LTBP1: variants seen among roughly 807,000 people sequenced by gnomAD.
The protein encoded by LTBP1 is latent transforming growth factor beta binding protein 1.
A neutral mutation model predicts 207.6 loss-of-function variants in LTBP1; 129 were observed. That is an observed-to-expected ratio of 0.62 (90% CI 0.54 to 0.72). The LOEUF is 0.72. Among genes scored for constraint, LTBP1 ranks in the 30% least tolerant of loss-of-function variants. LTBP1 has a pLI of 0.00. For synonymous variants in LTBP1, 963 were observed against 833.7 expected (o/e 1.16, Z -2.67); for missense variants, 2,281 against 2,217.2 (o/e 1.03, Z -0.58).
chr2:33,337,402 G>A (rs1340835775), intron 24 of LTBP1, among the ~76,000 whole-genome samples: 1 of 152,138 alleles, frequency 6.6e-6, no homozygotes, highest in East Asian at 1.9e-4. Context: ...CCGTCACCCA[G>A]AACTATGTTC....
At chr2:33,268,221 G>A (rs968844851) in intron 15 of LTBP1, among the ~76,000 whole-genome samples, 4 of 152,128 alleles carry the variant, frequency 2.6e-5, no homozygotes, top group Non-Finnish European at 4.4e-5. Context: ...TGTTCCCATC[G>A]GTTTCATATG....
At chr2:33,354,961 C>T (rs934439461) in intron 26 of LTBP1, among the ~76,000 whole-genome samples, 7 of 152,014 alleles carry the variant, frequency 4.6e-5, no homozygotes, top group Non-Finnish European at 1.0e-4. Flanking sequence ...AGGCTGGTCT[C>T]GTTTTATCTT....
chr2:33,001,424 G>T lies in LTBP1; in HGVS notation c.566-19485G>T, dbSNP rs558455459. 5.2e-5 allele frequency among the ~76,000 whole-genome samples: 7 copies of T among 135,116 alleles called. 2 individuals are homozygous for T. In the East Asian group the frequency reaches 2.7e-3, roughly 52 times the overall value. 88.6% of individuals were successfully genotyped at this position (135,116 alleles called of 152,430 possible). ...GCATTTCTCGAAAGATTCCAGGTGG[G>T]ACTGATGCTGCTGGTCTGGTGACCA... On this transcript the variant is annotated intron_variant, in intron 2 of 33. Coordinates refer to ENST00000404816, the MANE Select transcript of LTBP1 (RefSeq NM_206943.4).
chr2:33,200,294 C>G (rs2089074279), intron 7 of LTBP1, among the ~76,000 whole-genome samples: 2 of 152,148 alleles, frequency 1.3e-5, no homozygotes, highest in South Asian at 4.1e-4. Context: ...ATCAATGCAA[C>G]AGAACAGAGC....
intron 31 of LTBP1, among the ~76,000 whole-genome samples, chr2:33,384,912 G>A (rs1050497506): frequency 6.6e-5 from 10 of 152,104 alleles, no homozygotes; most frequent in East Asian, 3.9e-4. Flanking sequence ...TGCCTGTACC[G>A]AGATCCTAAA....
intron 3 of LTBP1, among the ~76,000 whole-genome samples, chr2:33,067,947 C>G (rs1416368453): frequency 6.6e-6 from 1 of 151,978 alleles, no homozygotes; most frequent in Non-Finnish European, 1.5e-5. Flanking sequence ...TGAAATGTAG[C>G]AACATACCAA....
At chr2:33,104,705 AT>A (rs780207075) in intron 3 of LTBP1, among the ~76,000 whole-genome samples, 1 of 152,082 alleles carries the variant, frequency 6.6e-6, no homozygotes, top group Non-Finnish European at 1.5e-5. Flanking sequence ...TTCCTGAAAC[AT>A]TTTTGCATTT....
chr2:33,097,481 A>T (rs937592140), intron 3 of LTBP1, among the ~76,000 whole-genome samples: 1 of 152,178 alleles, frequency 6.6e-6, no homozygotes, highest in African/African-American at 2.4e-5. Context: ...TCATCTGTTT[A>T]TGCATTTATG....
At chr2:33,205,923 C>T (rs2089830210) in intron 7 of LTBP1, among the ~76,000 whole-genome samples, 1 of 152,124 alleles carries the variant, frequency 6.6e-6, no homozygotes, top group South Asian at 2.1e-4. Context: ...ATGGCAGCCA[C>T]CCACAAGCTA....
At position 32,977,711 on chromosome 2, in the gene LTBP1, C is replaced by T. The variant is rs147629980; in HGVS notation, c.565+28766C>T. The stretch of plus-strand genomic sequence containing the variant: ...AAGTGTGAATCCCCTGAGGGGCTCT[C>T]ACTCACCACTCCCTTGTTGGGGAGC... On this transcript the variant is annotated intron_variant, in intron 2 of 33. Coordinates refer to ENST00000404816, the MANE Select transcript of LTBP1 (RefSeq NM_206943.4). Among the ~76,000 whole-genome samples the T allele has an allele frequency of 3.3e-3, 500 of 152,276 alleles. 1 individual carries two copies. The highest frequency in any genetic ancestry group is 4.6e-3 in the South Asian group (22 of 4,816).
chr2:32,947,596 G>C lies in LTBP1; in HGVS notation c.272G>C (p.Gly91Ala). The C allele has an allele frequency of 1.5e-6, 2 of 1,311,854 alleles. No individual in the cohort carries two copies. Among genetic ancestry groups the C allele is most frequent in the South Asian group, 2.1e-5 (1 of 46,890 alleles). 81.3% of individuals were successfully genotyped at this position (1,311,854 alleles called of 1,614,324 possible). The change falls in exon 1 of 34, where the codon GGC becomes GCC. Residue 91 changes from glycine to alanine, a missense_variant. This residue lies in a region of LTBP1 where 555 missense variants were observed against 491.0 expected (regional missense o/e 1.13). Transcript: ENST00000404816. ...AGGACCCGGCGCACGAGCAAGCCGG[G>C]CGGCGCGGCCCTGCAGGGGCTCAGA... ...SERTRRTSKP[G>A]GAALQGLRPP...
chr2:33,305,340 A>T (rs1162368768), intron 22 of LTBP1, among the ~76,000 whole-genome samples: 1 of 150,808 alleles, frequency 6.6e-6, no homozygotes, highest in Non-Finnish European at 1.5e-5. Flanking sequence ...TATATATATG[A>T]TAAATAAGTA....
In LTBP1 at chr2:33,331,306, G is replaced by C. The variant is rs1174051244; in HGVS notation, c.3731-11532G>C. Among the ~76,000 whole-genome samples the C allele has an allele frequency of 2.0e-5, 3 of 151,602 alleles. No individual in the cohort carries two copies. In the East Asian group the frequency reaches 5.8e-4, roughly 29 times the overall value. The stretch of plus-strand genomic sequence containing the variant: ...TCTTTATTTCTAACTACTTGAAGTA[G>C]ATCTTTAAATCATTAGATTATCAAT... On this transcript the variant is annotated intron_variant, in intron 24 of 33. Coordinates refer to ENST00000404816, the MANE Select transcript of LTBP1 (RefSeq NM_206943.4).
At chr2:33,342,799 T>G (rs574392863) in intron 24 of LTBP1, 39 bp from the exon 25 acceptor site, 2 of 1,604,596 alleles carry the variant, frequency 1.2e-6, no homozygotes, top group South Asian at 2.2e-5. Context: ...TGTCAGCCTG[T>G]GTTTGTTTTG....
rs751396474 is a variant in LTBP1, at chr2:33,361,507, A to G, written c.4262A>G (p.Asn1421Ser). The G allele has an allele frequency of 1.2e-6, 2 of 1,612,660 alleles. No individual in the cohort carries two copies. Among genetic ancestry groups the G allele is most frequent in the Admixed American group, 1.7e-5 (1 of 59,914 alleles). The change falls in exon 28 of 34, where the codon AAC becomes AGC. Residue 1421 changes from asparagine (N) to serine (S), a missense_variant. Asn to Ser is a conservative substitution (Grantham distance 46, BLOSUM62 1). Coordinates refer to ENST00000404816, the MANE Select transcript of LTBP1 (RefSeq NM_206943.4). ...GESSSEAGGE[N>S]YKDADECLLF... ...TCATCTTCTGAAGCTGGTGGTGAGA[A>G]CTATAAAGGTCAGAATCAAGTGGAA...
intron 10 of LTBP1, among the ~76,000 whole-genome samples, chr2:33,249,637 G>A (rs990603963): frequency 6.6e-6 from 1 of 152,110 alleles, no homozygotes; most frequent in African/African-American, 2.4e-5. Flanking sequence ...TTTGTCTTAT[G>A]TCTGTAGCCA....
chr2:33,146,039 G>C (rs1558701985), intron 5 of LTBP1, among the ~76,000 whole-genome samples: 1 of 152,142 alleles, frequency 6.6e-6, no homozygotes, highest in African/African-American at 2.4e-5. Context: ...GAAAATTTTA[G>C]ACTTCTGAAG....
At chr2:32,958,142 T>C (rs72789866) in intron 2 of LTBP1, among the ~76,000 whole-genome samples, 3 of 152,312 alleles carry the variant, frequency 2.0e-5, no homozygotes, top group African/African-American at 4.8e-5. Context: ...CTTAATACTT[T>C]CTCACTGTGT....
rs2090594136 is a variant in LTBP1 at position 33,215,283 on chromosome 2, G to C, written c.1702-2269G>C. Among the ~76,000 whole-genome samples the C allele has an allele frequency of 2.0e-5, 3 of 152,196 alleles. No homozygotes were observed. The South Asian group carries it at 6.2e-4, about 32-fold the overall frequency. ...TACTATTATGCACTCTACGTTATGG[G>C]TAGGAAAATGTCTAAGATAATGCGT... On this transcript the variant is annotated intron_variant, in intron 7 of 33. Coordinates refer to ENST00000404816, the MANE Select transcript of LTBP1 (RefSeq NM_206943.4).
Sources: gnomAD v4.1 joint callset for allele counts (sites outside exome capture counted in the v4.1 genomes callset) on GRCh38, gnomAD v4.1.1 for gene constraint, gnomAD v4.1.1 regional missense constraint, MANE v1.5 for transcripts, NCBI Gene and HGNC (gene_info 2026-07-23, HGNC 2026-07-21) for gene names.